SLC24A2: variants seen among roughly 807,000 people sequenced by gnomAD.
SLC24A2 encodes the protein sodium/potassium/calcium exchanger 2.
In SLC24A2, 36 loss-of-function variants were observed where a neutral mutation model predicts 62.0. The ratio of observed to expected loss-of-function variants is 0.58; its 90% CI spans 0.44 to 0.77. SLC24A2 has a LOEUF of 0.77. SLC24A2 is among the 30% of genes least tolerant of loss of function. The pLI is 0.00. For missense variants in SLC24A2, 846 were observed against 817.9 expected, an observed-to-expected ratio of 1.03 and a Z score of -0.42; for synonymous variants, 358 against 294.0, an observed-to-expected ratio of 1.22 and a Z score of -2.23.
At chr9:20,232,065 T>G in the SLC24A2 span, among the ~76,000 whole-genome samples, 37 of 152,344 alleles carry the variant, frequency 2.4e-4, no homozygotes, top group African/African-American at 7.9e-4. Flanking sequence ...TGAACCAGCC[T>G]TGCATCCCAG....
chr9:19,920,780 T>C, the SLC24A2 span, among the ~76,000 whole-genome samples: 1 of 152,184 alleles, frequency 6.6e-6, no homozygotes, highest in Non-Finnish European at 1.5e-5. Context: ...GTTCTAGGAA[T>C]GACTGACCTA....
intron 2 of SLC24A2, among the ~76,000 whole-genome samples, chr9:19,742,301 T>C (rs140511691): frequency 1.9e-4 from 29 of 152,358 alleles, no homozygotes; most frequent in African/African-American, 6.3e-4. Flanking sequence ...TGGACAGGTA[T>C]TATCCTAAGG....
At chr9:19,983,693 C>A in the SLC24A2 span, among the ~76,000 whole-genome samples, 1 of 151,986 alleles carries the variant, frequency 6.6e-6, no homozygotes. Context: ...AAATGATCAA[C>A]CTGAAAAAGA....
At chr9:20,014,999 T>C in the SLC24A2 span, among the ~76,000 whole-genome samples, 1 of 152,220 alleles carries the variant, frequency 6.6e-6, no homozygotes, top group Non-Finnish European at 1.5e-5. Context: ...CATATAAATG[T>C]ATAGAATTAT....
chr9:19,762,933 G>A (rs1822387292), intron 2 of SLC24A2, among the ~76,000 whole-genome samples: 1 of 151,672 alleles, frequency 6.6e-6, no homozygotes, highest in Non-Finnish European at 1.5e-5. Flanking sequence ...TCATGATATC[G>A]ATTCTTCCTA....
chr9:19,539,120 G>C (rs1162125371), intron 8 of SLC24A2, among the ~76,000 whole-genome samples: 1 of 72,458 alleles, frequency 1.4e-5, no homozygotes, highest in South Asian at 5.9e-4. Flanking sequence ...TCTTGCTAGT[G>C]GTCTATCAAT....
At chr9:19,798,315 A>C in the SLC24A2 span, among the ~76,000 whole-genome samples, 4 of 152,326 alleles carry the variant, frequency 2.6e-5, no homozygotes, top group Admixed American at 1.3e-4. Context: ...TTATGAACTT[A>C]ACATTCTTTC....
intron 2 of SLC24A2, among the ~76,000 whole-genome samples, chr9:19,763,670 T>A (rs1453671283): frequency 6.6e-6 from 1 of 152,218 alleles, no homozygotes; most frequent in African/African-American, 2.4e-5. Context: ...GCTGACTTGA[T>A]CATGGTGGAT....
chr9:19,929,887 C>T, the SLC24A2 span: 278 of 151,478 alleles, frequency 1.8e-3, no homozygotes, highest in African/African-American at 6.3e-3. Flanking sequence ...TGGTTTCTAA[C>T]AAAAAAGTCT....
At chr9:19,931,667 G>A in the SLC24A2 span, among the ~76,000 whole-genome samples, 5 of 152,034 alleles carry the variant, frequency 3.3e-5, no homozygotes, top group African/African-American at 7.2e-5. Context: ...AAACATTTTG[G>A]TTTGCCCAGG....
the SLC24A2 span, among the ~76,000 whole-genome samples, chr9:19,829,795 GTGTATA>G: frequency 2.8e-5 from 1 of 36,118 alleles, no homozygotes; most frequent in Non-Finnish European, 7.6e-5. Flanking sequence ...GTGTGTGTGT[GTGTATA>G]TATATATATA....
chr9:19,597,479 T>C (rs1367391041), intron 4 of SLC24A2, among the ~76,000 whole-genome samples, 200 bp from the exon 5 acceptor site: 1 of 152,222 alleles, frequency 6.6e-6, no homozygotes. Context: ...AAATATATTA[T>C]GCTACCGGGG....
chr9:20,182,524 C>T, the SLC24A2 span, among the ~76,000 whole-genome samples: 2 of 152,154 alleles, frequency 1.3e-5, no homozygotes, highest in Admixed American at 6.5e-5. Context: ...TCTCAGCAAA[C>T]TATCACAAGG....
intron 4 of SLC24A2, among the ~76,000 whole-genome samples, chr9:19,613,628 T>C (rs1035921358): frequency 8.5e-5 from 13 of 152,200 alleles, no homozygotes; most frequent in African/African-American, 2.9e-4. Context: ...TCTTCCTAAG[T>C]AGAAGTGGTA....
intron 2 of SLC24A2, among the ~76,000 whole-genome samples, chr9:19,629,202 T>C (rs887867364): frequency 1.1e-4 from 16 of 152,142 alleles, no homozygotes; most frequent in African/African-American, 3.9e-4. Flanking sequence ...ACTCAGACAG[T>C]TGGGCTCCAG....
At chr9:19,700,333 G>C (rs1031902801) in intron 2 of SLC24A2, among the ~76,000 whole-genome samples, 1 of 151,980 alleles carries the variant, frequency 6.6e-6, no homozygotes, top group African/African-American at 2.4e-5. Flanking sequence ...TCCTTTCTTA[G>C]GCTCTGTCTT....
the SLC24A2 span, among the ~76,000 whole-genome samples, chr9:20,047,557 T>A: frequency 6.9e-6 from 1 of 144,184 alleles, no homozygotes; most frequent in Non-Finnish European, 1.5e-5. Flanking sequence ...AAGTCCAAGA[T>A]CTGCAATGGA....
At chr9:19,584,686 A>T (rs995262857) in intron 5 of SLC24A2, among the ~76,000 whole-genome samples, 1 of 152,238 alleles carries the variant, frequency 6.6e-6, no homozygotes, top group South Asian at 2.1e-4. Flanking sequence ...GGTTAGTTAC[A>T]TATGTATACA....
the SLC24A2 span, among the ~76,000 whole-genome samples, chr9:20,304,270 C>G: frequency 2.6e-5 from 4 of 152,082 alleles, no homozygotes; most frequent in Non-Finnish European, 5.9e-5. Context: ...CAGCCCCCTT[C>G]CTAAACTCTC....
Sources: allele counts gnomAD v4.1 joint callset (sites outside exome capture counted in the v4.1 genomes callset), GRCh38; gene constraint gnomAD v4.1.1; transcripts MANE v1.5; gene names NCBI Gene and HGNC (gene_info 2026-07-23, HGNC 2026-07-21).